PRKAA2: variants seen among roughly 807,000 people sequenced by gnomAD.
PRKAA2 encodes the protein protein kinase AMP-activated catalytic subunit alpha 2.
Under a neutral mutation model 56.3 loss-of-function variants are expected in PRKAA2, and 40 were observed. The observed-to-expected ratio is 0.71, with a 90% CI of 0.55 to 0.92. The LOEUF (loss-of-function observed/expected upper bound fraction) is 0.92. Among genes scored for constraint, PRKAA2 ranks in the 40% least tolerant of loss-of-function variants. PRKAA2 has a pLI of 0.00. For missense variants in PRKAA2, 542 were observed against 686.9 expected (o/e 0.79, Z 2.36); for synonymous variants, 214 against 234.2 (o/e 0.91, Z 0.79).
rs1348156898 is a variant in PRKAA2 at position 56,708,368 on chromosome 1, A to G, written c.*655A>G. On this transcript the variant is annotated 3_prime_UTR_variant, in exon 9 of 9. Transcript: ENST00000371244. Reference sequence around the variant, plus strand: ...TAACTAACTCAGGATTTTTATCTTGAGATTTCCCTGAATAATATATTTATC... The same window carrying G: ...TAACTAACTCAGGATTTTTATCTTGGGATTTCCCTGAATAATATATTTATC... 2.6e-5 allele frequency: 4 copies of G among 152,174 alleles called. No homozygotes were observed. The allele number at this position is 152,174 out of a possible 1,614,324, so 9.4% of individuals were successfully genotyped here.
rs765209932 is a variant in PRKAA2, at chr1:56,696,084, A to G, written c.713A>G (p.Asn238Ser). 1.8e-5 allele frequency: 29 copies of G among 1,613,328 alleles called. No homozygotes were observed. Among genetic ancestry groups the G allele is most frequent in the Non-Finnish European group, 2.3e-5 (27 of 1,179,850 alleles). Residue 238 changes from asparagine to serine, a missense_variant, in exon 6 of 9, where the codon AAT (asparagine) becomes AGT (serine). Asn to Ser is a conservative substitution (Grantham distance 46). Around this residue, in one of 5 missense-constraint regions of PRKAA2, gnomAD observed 198 missense variants for 234.0 expected, o/e 0.85. Transcript: ENST00000371244. ...GTCTTTTATATCCCAGAATATCTCAATCGTTCTGTCGCCACTCTCCTGATG... is the reference window on the plus strand; with the variant it reads ...GTCTTTTATATCCCAGAATATCTCAGTCGTTCTGTCGCCACTCTCCTGATG... ...GGVFYIPEYL[N>S]RSVATLLMHM...
chr1:56,689,658 G>T (rs186693497), intron 2 of PRKAA2, among the ~76,000 whole-genome samples: 2 of 152,082 alleles, frequency 1.3e-5, no homozygotes, highest in African/African-American at 4.8e-5. Context: ...GGTGGGGTGC[G>T]CAGTGAGCCG....
At position 56,710,232 on chromosome 1, in the gene PRKAA2, A is replaced by G. The variant is rs1557567910; in HGVS notation, c.*2519A>G. ...AGGTTATAGATAAGGCCTTAGTTAT[A>G]TCATGGAAATGGACTCCATGTAGTT... On this transcript the variant is annotated 3_prime_UTR_variant, in exon 9 of 9. Transcript: ENST00000371244. 1 of 152,168 alleles carries G rather than the reference A, an allele frequency of 6.6e-6. No individual in the cohort carries two copies. The highest frequency in any genetic ancestry group is 1.5e-5 in the Non-Finnish European group (1 of 68,000). The allele number at this position is 152,168 out of a possible 1,614,324, so 9.4% of individuals were successfully genotyped here.
intron 1 of PRKAA2, among the ~76,000 whole-genome samples, chr1:56,658,587 T>TTC (rs1643965623): frequency 1.5e-5 from 2 of 130,170 alleles, no homozygotes; most frequent in African/African-American, 6.0e-5. Flanking sequence ...TTTTTTTTCT[T>TTC]CCCCCCCCCC....
chr1:56,710,378 G>A lies in PRKAA2; in HGVS notation c.*2665G>A, dbSNP rs1029806145. On this transcript the variant is annotated 3_prime_UTR_variant, in exon 9 of 9. Transcript: ENST00000371244. The stretch of plus-strand genomic sequence containing the variant: ...CCCTCGAAGATGACAGTGGATGTCA[G>A]CATTAAAGACTTTGACAGGTCTTTC... 1 of 152,068 alleles carries A rather than the reference G, an allele frequency of 6.6e-6. No individual in the cohort carries two copies. The highest frequency in any genetic ancestry group is 2.4e-5 in the African/African-American group (1 of 41,406). The allele number at this position is 152,068 out of a possible 1,614,324, so 9.4% of individuals were successfully genotyped here. A position where few individuals can be genotyped will look rare whatever the true frequency, so the allele number is the denominator to read the frequency against.
chr1:56,658,774 C>T (rs1322158139), intron 1 of PRKAA2, among the ~76,000 whole-genome samples: 2 of 151,318 alleles, frequency 1.3e-5, no homozygotes, highest in African/African-American at 2.4e-5. Flanking sequence ...GAGTGTTCCT[C>T]TGTCCCCCAG....
intron 2 of PRKAA2, among the ~76,000 whole-genome samples, chr1:56,691,108 AT>A (rs1007615648): frequency 2.0e-4 from 31 of 152,142 alleles, no homozygotes; most frequent in African/African-American, 7.5e-4. Context: ...CTGTAAACAA[AT>A]TTTTGTTTAT....
rs185738725 is a variant in PRKAA2 at position 56,661,117 on chromosome 1, C to T, written c.95-13264C>T. ...TGAATGAGTTAAGGTTGCTGACCAC[C>T]CCATGAGGCCCAACTGGCTGATACA... On this transcript the variant is annotated intron_variant, in intron 1 of 8. Transcript: ENST00000371244. Among the ~76,000 whole-genome samples, 21 of 152,238 alleles carry T rather than the reference C, an allele frequency of 1.4e-4. No homozygotes were observed. In the East Asian group the frequency reaches 3.9e-3, roughly 28 times the overall value.
chr1:56,672,458 G>A (rs1644084323), intron 1 of PRKAA2, among the ~76,000 whole-genome samples: 1 of 152,054 alleles, frequency 6.6e-6, no homozygotes, highest in South Asian at 2.1e-4. Flanking sequence ...AGTTATTTCT[G>A]GGATATTAAT....
At chr1:56,653,414 T>G (rs2100380696) in intron 1 of PRKAA2, among the ~76,000 whole-genome samples, 1 of 152,202 alleles carries the variant, frequency 6.6e-6, no homozygotes, top group African/African-American at 2.4e-5. Context: ...ATTTTCATAG[T>G]ATGTCCACAA....
At position 56,676,663 on chromosome 1, in the gene PRKAA2, TA is replaced by T. The variant is rs375337991; in HGVS notation, c.236+2144del. Reference sequence around the variant, plus strand: ...CAGCATCATTCTTGAAATCCTTAAATAAATGGCTGGTCCAATTATTGTTGAG... The same window carrying T: ...CAGCATCATTCTTGAAATCCTTAAATAATGGCTGGTCCAATTATTGTTGAG... On this transcript the variant is annotated intron_variant, in intron 2 of 8. Coordinates refer to ENST00000371244, the MANE Select transcript of PRKAA2 (RefSeq NM_006252.4). Among the ~76,000 whole-genome samples, 169 of 152,350 alleles carry T rather than the reference TA, an allele frequency of 1.1e-3. 3 individuals carry two copies. The South Asian group carries it at 0.034, about 30-fold the overall frequency.
intron 7 of PRKAA2, among the ~76,000 whole-genome samples, chr1:56,705,221 G>A (rs573479292): frequency 6.6e-6 from 1 of 152,066 alleles, no homozygotes; most frequent in Admixed American, 6.5e-5. Context: ...TTTATTATTT[G>A]TACATGAAAT....
chr1:56,674,511 T>C lies in PRKAA2; in HGVS notation c.225T>C (p.His75=), dbSNP rs777059214. ...IQNLKLFRHP[H]IIKLYQVIST... ...ATCTAAAACTCTTTCGTCATCCTCA[T>C]ATTATCAAACTGTAAGTATTTTTGT... The change falls in exon 2 of 9, where the codon CAT becomes CAC. Residue 75 remains histidine (H), a synonymous_variant. Coordinates refer to ENST00000371244, the MANE Select transcript of PRKAA2 (RefSeq NM_006252.4). 7.2e-6 allele frequency: 11 copies of C among 1,526,970 alleles called. No individual in the cohort carries two copies. The highest frequency in any genetic ancestry group is 9.7e-6 in the Non-Finnish European group (11 of 1,128,420). The allele number at this position is 1,526,970 out of a possible 1,614,324, so 94.6% of individuals were successfully genotyped here. A position where few individuals can be genotyped will look rare whatever the true frequency, so the allele number is the denominator to read the frequency against.
At chr1:56,690,924 G>T (rs574080646) in intron 2 of PRKAA2, among the ~76,000 whole-genome samples, 1 of 152,192 alleles carries the variant, frequency 6.6e-6, no homozygotes, top group Admixed American at 6.5e-5. Context: ...GCACTTTCAT[G>T]TATGTTCTGT....
intron 6 of PRKAA2, 135 bp downstream of exon 6, chr1:56,696,294 T>G (rs1044184713): frequency 4.0e-6 from 3 of 740,848 alleles, no homozygotes; most frequent in Non-Finnish European, 6.5e-6. Context: ...ACATTGAACT[T>G]GTCCTTGTTT....
At chr1:56,679,649 T>C (rs1482533242) in intron 2 of PRKAA2, among the ~76,000 whole-genome samples, 1 of 152,208 alleles carries the variant, frequency 6.6e-6, no homozygotes, top group Non-Finnish European at 1.5e-5. Flanking sequence ...TTGTTGTACT[T>C]CAGCTGTTTC....
chr1:56,714,383 G>A lies in PRKAA2; in HGVS notation c.*6670G>A, dbSNP rs941865093. 5.3e-5 allele frequency: 8 copies of A among 151,730 alleles called. No individual in the cohort carries two copies. Among genetic ancestry groups the A allele is most frequent in the African/African-American group, 1.7e-4 (7 of 41,340 alleles). The allele number at this position is 151,730 out of a possible 1,614,324, so 9.4% of individuals were successfully genotyped here. ...TTTGAAAGCCCTTGTTTAAATACAG[G>A]GTTTATATCCCCACATTCAATGTAA... On this transcript the variant is annotated 3_prime_UTR_variant, in exon 9 of 9. Coordinates refer to ENST00000371244, the MANE Select transcript of PRKAA2 (RefSeq NM_006252.4).
chr1:56,645,649 C>T (rs569673794), intron 1 of PRKAA2, among the ~76,000 whole-genome samples, 168 bp downstream of exon 1: 14 of 151,994 alleles, frequency 9.2e-5, no homozygotes, highest in African/African-American at 2.9e-4. Context: ...ACCGCCTCGC[C>T]TGGCACCGGC....
chr1:56,697,190 A>C (rs746682245), intron 6 of PRKAA2, among the ~76,000 whole-genome samples: 4 of 150,018 alleles, frequency 2.7e-5, no homozygotes, highest in Non-Finnish European at 4.4e-5. Context: ...ATTTTTTTTA[A>C]TTTTTTTATT....
Sources: allele counts gnomAD v4.1 joint callset (sites outside exome capture counted in the v4.1 genomes callset), GRCh38; gene constraint gnomAD v4.1.1; regional missense constraint gnomAD v4.1.1; transcripts MANE v1.5; gene names NCBI Gene and HGNC (gene_info 2026-07-23, HGNC 2026-07-21).